The following GPR83 variants were observed in gnomAD, a reference collection of about 807,000 sequenced individuals.
GPR83 encodes G protein-coupled receptor 83, also known as G-protein coupled receptor 72.
In GPR83, 23 loss-of-function variants were observed where a neutral mutation model predicts 28.0. That is an observed-to-expected ratio of 0.82 (90% CI 0.59 to 1.16). The LOEUF (loss-of-function observed/expected upper bound fraction) is 1.16, where lower values mean the gene tolerates loss of function less well. Ranked by LOEUF, GPR83 falls within the 50% of genes most tolerant of loss-of-function variation. The pLI is 0.00. For missense variants in GPR83, 610 were observed against 536.6 expected, an observed-to-expected ratio of 1.14 and a Z score of -1.35; for synonymous variants, 234 against 215.4, an observed-to-expected ratio of 1.09 and a Z score of -0.76.
chr11:94,393,912 T>C (rs182429069), intron 2 of GPR83, among the ~76,000 whole-genome samples: 3 of 152,300 alleles, frequency 2.0e-5, no homozygotes, highest in East Asian at 1.9e-4. Context: ...ATGTTCATTA[T>C]TGAGCCCCTG....
intron 3 of GPR83, among the ~76,000 whole-genome samples, chr11:94,383,038 G>A (rs921430279): frequency 2.3e-5 from 3 of 128,200 alleles, no homozygotes; most frequent in Non-Finnish European, 5.4e-5. Context: ...CTTGGTAGCG[G>A]GCACCTGTAG....
intron 2 of GPR83, among the ~76,000 whole-genome samples, chr11:94,394,057 C>G (rs1591607372): frequency 6.6e-6 from 1 of 152,120 alleles, no homozygotes; most frequent in African/African-American, 2.4e-5. Flanking sequence ...TGGTCATACT[C>G]AGGCTGAACC....
At chr11:94,385,652 T>A (rs1010333842) in intron 3 of GPR83, among the ~76,000 whole-genome samples, 4 of 151,660 alleles carry the variant, frequency 2.6e-5, no homozygotes, top group East Asian at 1.9e-4. Context: ...TAGAGAAAAA[T>A]GAATAAAAAG....
At position 94,400,958 on chromosome 11, in the gene GPR83, A is replaced by C. The variant is rs374061772; in HGVS notation, c.290T>G (p.Phe97Cys). The change falls in exon 1 of 4, where the codon TTC (phenylalanine) becomes TGC (cysteine). Residue 97 changes from phenylalanine to cysteine, a missense_variant. Phe to Cys is a radical substitution (Grantham distance 205). Transcript: ENST00000243673. ...GGCCGAGTGCATTCGCTGGTTCTTG[A>C]AGATGACATGACAGACCAGGACGTT... ...FGNVLVCHVI[F>C]KNQRMHSATS... is the part of the protein sequence containing the mutation. The C allele has an allele frequency of 5.0e-6, 8 of 1,614,012 alleles. No individual in the cohort carries two copies. Among genetic ancestry groups the C allele is most frequent in the Non-Finnish European group, 6.8e-6 (8 of 1,179,968 alleles).
At position 94,401,365 on chromosome 11, in the gene GPR83, G is replaced by A; in HGVS notation, c.-118C>T. 2.0e-6 allele frequency: 2 copies of A among 1,010,396 alleles called. No individual in the cohort carries two copies. Among genetic ancestry groups the A allele is most frequent in the Non-Finnish European group, 2.7e-6 (2 of 739,470 alleles). 62.6% of individuals were successfully genotyped at this position (1,010,396 alleles called of 1,614,324 possible). Reference sequence around the variant, plus strand: ...CATACAAGGCCGTCCCGAGGAGCCAGGGAGCCCGGACGCGCGGAGCACCGC... The same window carrying A: ...CATACAAGGCCGTCCCGAGGAGCCAAGGAGCCCGGACGCGCGGAGCACCGC... On this transcript the variant is annotated 5_prime_UTR_variant, in exon 1 of 4. Transcript: ENST00000243673.
At chr11:94,393,334 A>C (rs989366427) in intron 3 of GPR83, 151 bp downstream of exon 3, 6 of 651,554 alleles carry the variant, frequency 9.2e-6, no homozygotes, top group Non-Finnish European at 1.3e-5. Flanking sequence ...AGGAGGTAAC[A>C]GGATGGGAGC....
intron 3 of GPR83, among the ~76,000 whole-genome samples, chr11:94,384,895 T>C (rs1438218714): frequency 3.3e-5 from 5 of 152,200 alleles, no homozygotes. Context: ...ACGGATAGAC[T>C]GTCCTCAAGT....
intron 3 of GPR83, among the ~76,000 whole-genome samples, chr11:94,381,426 G>A (rs1220953247): frequency 1.3e-5 from 2 of 152,070 alleles, no homozygotes. Flanking sequence ...AGGGCAGCCT[G>A]GATGTTGGGG....
At chr11:94,397,275 A>C (rs1173332755) in intron 1 of GPR83, among the ~76,000 whole-genome samples, 1 of 152,156 alleles carries the variant, frequency 6.6e-6, no homozygotes, top group Non-Finnish European at 1.5e-5. Flanking sequence ...TTACTCATTC[A>C]ATTAGTACTT....
intron 3 of GPR83, among the ~76,000 whole-genome samples, chr11:94,389,823 T>C (rs1208051567): frequency 1.3e-5 from 2 of 152,226 alleles, no homozygotes; most frequent in South Asian, 2.1e-4. Context: ...TTACTGGGTA[T>C]ATACCCGAAG....
Position 94,380,658 on chromosome 11 carries a change from T to G in GPR83, c.763A>C (p.Ile255Leu). 1 of 1,613,218 alleles carries G rather than the reference T, an allele frequency of 6.2e-7. No individual in the cohort carries two copies. Among genetic ancestry groups the G allele is most frequent in the African/African-American group, 1.3e-5 (1 of 74,748 alleles). Residue 255 changes from isoleucine (I) to leucine (L), a missense_variant, in exon 4 of 4, where the codon ATC becomes CTC. Coordinates refer to ENST00000243673, the MANE Select transcript of GPR83 (RefSeq NM_016540.4). ...GCCACACGAGCGTAGGCCACAGAGATGATGAGGAGGGGCAGGATGTAGAGC... is the reference window on the plus strand; with the variant it reads ...GCCACACGAGCGTAGGCCACAGAGAGGATGAGGAGGGGCAGGATGTAGAGC... ...ILLYILPLLI[I>L]SVAYARVAKK... is the part of the protein sequence containing the mutation.
chr11:94,387,155 A>G (rs1469124481), intron 3 of GPR83, among the ~76,000 whole-genome samples: 1 of 152,192 alleles, frequency 6.6e-6, no homozygotes, highest in East Asian at 1.9e-4. Context: ...ACATACCACA[A>G]TCTCTGGGAC....
chr11:94,380,139 C>A lies in GPR83; in HGVS notation c.*10G>T, dbSNP rs1324543023. ...GACAGACCCCTCCCACTCCCTCTTC[C>A]CAACCTCTTCTAACTCATCGTCACA... On this transcript the variant is annotated 3_prime_UTR_variant, in exon 4 of 4. Coordinates refer to ENST00000243673, the MANE Select transcript of GPR83 (RefSeq NM_016540.4). 1 of 1,504,852 alleles carries A rather than the reference C, an allele frequency of 6.6e-7. No individual in the cohort carries two copies. Among genetic ancestry groups the A allele is most frequent in the Non-Finnish European group, 8.9e-7 (1 of 1,127,072 alleles). 93.2% of individuals were successfully genotyped at this position (1,504,852 alleles called of 1,614,324 possible). A position where few individuals can be genotyped will look rare whatever the true frequency, so the allele number is the denominator to read the frequency against.
chr11:94,384,555 G>C (rs1476044374), intron 3 of GPR83, among the ~76,000 whole-genome samples: 1 of 152,190 alleles, frequency 6.6e-6, no homozygotes, highest in Admixed American at 6.5e-5. Flanking sequence ...CGCCTCACCT[G>C]GGAAGTGCAA....
At chr11:94,398,667 AG>A (rs1944887003) in intron 1 of GPR83, among the ~76,000 whole-genome samples, 1 of 152,328 alleles carries the variant, frequency 6.6e-6, no homozygotes, top group East Asian at 1.9e-4. Context: ...CCATCATCAG[AG>A]CTAGGCTTCA....
At position 94,401,013 on chromosome 11, in the gene GPR83, A is replaced by G; in HGVS notation, c.235T>C (p.Ser79Pro). The G allele has an allele frequency of 6.2e-7, 1 of 1,614,170 alleles. No individual in the cohort carries two copies. Among genetic ancestry groups the G allele is most frequent in the Non-Finnish European group, 8.5e-7 (1 of 1,179,994 alleles). ...AAGAGTGAGAAGACAATGATGAAGG[A>G]GTAAGCCACAATGAGCAGGGCTTTC... ...TVKALLIVAY[S>P]FIIVFSLFGN... Residue 79 changes from serine (S) to proline (P), a missense_variant, in exon 1 of 4, where the codon TCC (serine) becomes CCC (proline). Physicochemically the swap from Ser to Pro is moderately conservative, Grantham distance 74 (BLOSUM62 -1). Transcript: ENST00000243673.
In GPR83 at chr11:94,380,311, C is replaced by A; in HGVS notation, c.1110G>T (p.Gln370His). 1 of 1,608,126 alleles carries A rather than the reference C, an allele frequency of 6.2e-7. No homozygotes were observed. The highest frequency in any genetic ancestry group is 1.1e-5 in the South Asian group (1 of 90,084). ...LSMCQRPPKPQEDRPPSPVPS... is the reference protein window; with the variant it reads ...LSMCQRPPKPHEDRPPSPVPS... ...GAACTGGGGAGGGTGGCCTGTCCTC[C>A]TGAGGCTTGGGAGGTCTTTGACACA... Residue 370 changes from glutamine (Q) to histidine (H), a missense_variant, in exon 4 of 4, where the codon CAG (glutamine) becomes CAT (histidine). Transcript: ENST00000243673.
chr11:94,378,634 T>G lies in GPR83; in HGVS notation c.*1515A>C, dbSNP rs1207939401. ...TTACACCTGAACCACCAAAATGATG[T>G]TGACAGCGAATCTCCTTTTGAGAAA... is the stretch of plus-strand genomic sequence containing the variant. On this transcript the variant is annotated 3_prime_UTR_variant, in exon 4 of 4. Coordinates refer to ENST00000243673, the MANE Select transcript of GPR83 (RefSeq NM_016540.4). 2 of 152,602 alleles carry G rather than the reference T, an allele frequency of 1.3e-5. No homozygotes were observed. The highest frequency in any genetic ancestry group is 4.8e-5 in the African/African-American group (2 of 41,426). The allele number at this position is 152,602 out of a possible 1,614,324, so 9.5% of individuals were successfully genotyped here. A position where few individuals can be genotyped will look rare whatever the true frequency, so the allele number is the denominator to read the frequency against.
chr11:94,385,775 C>A (rs1944747955), intron 3 of GPR83, among the ~76,000 whole-genome samples: 1 of 152,192 alleles, frequency 6.6e-6, no homozygotes, highest in African/African-American at 2.4e-5. Context: ...AAACACTCTG[C>A]AGGATATTAT....
Sources: gnomAD v4.1 joint callset for allele counts (sites outside exome capture counted in the v4.1 genomes callset) on GRCh38, gnomAD v4.1.1 for gene constraint, MANE v1.5 for transcripts, NCBI Gene and HGNC (gene_info 2026-07-23, HGNC 2026-07-21) for gene names.